MAPKAP1: variants seen among roughly 807,000 people sequenced by gnomAD.
The protein encoded by MAPKAP1 is MAPK associated protein 1.
Under a neutral mutation model 65.7 loss-of-function variants are expected in MAPKAP1, and 20 were observed. The ratio of observed to expected loss-of-function variants is 0.30; its 90% confidence interval spans 0.21 to 0.44. The LOEUF (loss-of-function observed/expected upper bound fraction) is 0.44. MAPKAP1 is among the 20% of genes least tolerant of loss of function. MAPKAP1 has a pLI of 1.00. For missense variants in MAPKAP1, 423 were observed against 648.0 expected (o/e 0.65, Z 3.77); for synonymous variants, 222 against 244.3 (o/e 0.91, Z 0.85).
intron 1 of MAPKAP1, among the ~76,000 whole-genome samples, chr9:125,697,985 A>AT (rs1239673810): frequency 6.6e-6 from 1 of 151,824 alleles, no homozygotes; most frequent in Non-Finnish European, 1.5e-5. Flanking sequence ...GCAAAGGGCC[A>AT]TAATTAATGA....
intron 10 of MAPKAP1, among the ~76,000 whole-genome samples, chr9:125,462,962 T>G (rs1024764993): frequency 6.6e-6 from 1 of 152,188 alleles, no homozygotes; most frequent in African/African-American, 2.4e-5. Flanking sequence ...CTGGCAGCTC[T>G]CAACAGTAAG....
chr9:125,523,861 C>T (rs1829688856), intron 7 of MAPKAP1, among the ~76,000 whole-genome samples: 1 of 152,084 alleles, frequency 6.6e-6, no homozygotes, highest in African/African-American at 2.4e-5. Context: ...GTCCTTATGG[C>T]CCCCCACTGC....
chr9:125,458,673 C>T (rs111659228), intron 10 of MAPKAP1, among the ~76,000 whole-genome samples: 1 of 150,520 alleles, frequency 6.6e-6, no homozygotes, highest in Non-Finnish European at 1.5e-5. Flanking sequence ...ACCCCTCCCC[C>T]CTTTCTATTC....
chr9:125,582,543 C>G (rs1291685398), intron 5 of MAPKAP1, among the ~76,000 whole-genome samples: 1 of 152,198 alleles, frequency 6.6e-6, no homozygotes, highest in Non-Finnish European at 1.5e-5. Flanking sequence ...AGACCAGAAC[C>G]AGGTCTTACA....
chr9:125,521,021 G>A (rs1829601643), intron 7 of MAPKAP1, among the ~76,000 whole-genome samples: 1 of 152,146 alleles, frequency 6.6e-6, no homozygotes, highest in Non-Finnish European at 1.5e-5. Context: ...AAAGTTATCT[G>A]AGCCACAACA....
intron 7 of MAPKAP1, among the ~76,000 whole-genome samples, chr9:125,518,780 C>T (rs1017210894): frequency 1.3e-4 from 20 of 152,024 alleles, no homozygotes; most frequent in Admixed American, 5.9e-4. Context: ...AAGTAAAACC[C>T]GAATAAAATA....
intron 4 of MAPKAP1, among the ~76,000 whole-genome samples, chr9:125,590,358 C>A (rs756334512): frequency 6.6e-6 from 1 of 152,072 alleles, no homozygotes; most frequent in Non-Finnish European, 1.5e-5. Context: ...GTAACAAGAG[C>A]TAGCATTTAG....
At chr9:125,650,006 A>G (rs1183036152) in intron 4 of MAPKAP1, among the ~76,000 whole-genome samples, 1 of 152,144 alleles carries the variant, frequency 6.6e-6, no homozygotes, top group African/African-American at 2.4e-5. Context: ...TTATCCATCC[A>G]GCTCCACAAG....
chr9:125,530,226 C>A (rs1339233788), intron 7 of MAPKAP1, among the ~76,000 whole-genome samples: 1 of 152,142 alleles, frequency 6.6e-6, no homozygotes, highest in Non-Finnish European at 1.5e-5. Context: ...ATAGGATAAA[C>A]ACATCAAATG....
chr9:125,652,883 ACTT>A (rs1196400074), intron 4 of MAPKAP1, among the ~76,000 whole-genome samples: 8 of 152,302 alleles, frequency 5.3e-5, no homozygotes, highest in Admixed American at 1.3e-4. Flanking sequence ...TCTCTGCTGT[ACTT>A]CTTCTTTACG....
intron 5 of MAPKAP1, among the ~76,000 whole-genome samples, chr9:125,572,696 A>C (rs1433195307): frequency 6.6e-6 from 1 of 152,212 alleles, no homozygotes; most frequent in Non-Finnish European, 1.5e-5. Flanking sequence ...GGCACATTAC[A>C]ATCAGCTAAC....
chr9:125,535,738 A>G (rs1030126463), intron 7 of MAPKAP1, among the ~76,000 whole-genome samples: 7 of 152,236 alleles, frequency 4.6e-5, no homozygotes, highest in African/African-American at 1.7e-4. Flanking sequence ...TTTACAATCA[A>G]TATGTACACG....
chr9:125,513,606 G>A (rs1829372635), intron 7 of MAPKAP1, among the ~76,000 whole-genome samples: 1 of 152,196 alleles, frequency 6.6e-6, no homozygotes, highest in Non-Finnish European at 1.5e-5. Context: ...CCCTCAGAAG[G>A]TTGCTGTGAG....
At chr9:125,568,128 G>A (rs1165135252) in intron 5 of MAPKAP1, 2 of 151,912 alleles carry the variant, frequency 1.3e-5, no homozygotes, top group Non-Finnish European at 2.9e-5. Context: ...AGGCAAGGAC[G>A]CCTGACTGAC....
intron 5 of MAPKAP1, 36 bp from the exon 6 acceptor site, chr9:125,559,845 G>C: frequency 3.8e-6 from 6 of 1,582,728 alleles, no homozygotes; most frequent in Non-Finnish European, 5.2e-6. Context: ...TGAATACCAA[G>C]GTAGGGAAGG....
At chr9:125,556,295 G>A (rs754494024) in intron 6 of MAPKAP1, among the ~76,000 whole-genome samples, 4 of 152,210 alleles carry the variant, frequency 2.6e-5, no homozygotes, top group Non-Finnish European at 5.9e-5. Context: ...AGCCCACCAT[G>A]CTGTCACCTA....
At chr9:125,593,632 T>C (rs541152846) in intron 4 of MAPKAP1, among the ~76,000 whole-genome samples, 6 of 152,036 alleles carry the variant, frequency 3.9e-5, no homozygotes, top group African/African-American at 1.4e-4. Flanking sequence ...ACTGCACTTC[T>C]GCCTGGGACA....
chr9:125,679,000 C>T (rs1210003636), intron 1 of MAPKAP1, among the ~76,000 whole-genome samples: 1 of 64,380 alleles, frequency 1.6e-5, no homozygotes, highest in African/African-American at 4.9e-5. Flanking sequence ...TCATAATAAA[C>T]ACAATTTTTT....
intron 5 of MAPKAP1, among the ~76,000 whole-genome samples, chr9:125,573,796 A>G (rs1335115547): frequency 2.0e-5 from 3 of 152,150 alleles, no homozygotes; most frequent in Non-Finnish European, 4.4e-5. Context: ...CCCTGCCCCA[A>G]TGCCTCCTGT....
Sources: allele counts gnomAD v4.1 joint callset (sites outside exome capture counted in the v4.1 genomes callset), GRCh38; gene constraint gnomAD v4.1.1; transcripts MANE v1.5; gene names NCBI Gene and HGNC (gene_info 2026-07-23, HGNC 2026-07-21).